Variants in RINT1 observed in about 807,000 individuals in gnomAD.
RINT1 encodes the protein RAD50 interactor 1, also known as RAD50-interacting protein 1.
Under a neutral mutation model 97.7 loss-of-function variants are expected in RINT1, and 75 were observed. That is an observed-to-expected ratio of 0.77 (90% CI 0.64 to 0.93). The LOEUF (loss-of-function observed/expected upper bound fraction) is 0.93. RINT1 is among the 40% of genes least tolerant of loss of function. RINT1 has a pLI of 0.00. For missense variants in RINT1, 892 were observed against 925.2 expected (o/e 0.96, Z 0.47); for synonymous variants, 303 against 326.3 (o/e 0.93, Z 0.77).
chr7:105,548,679 G>A lies in RINT1; in HGVS notation c.965G>A (p.Arg322Lys). ...CAGAAGAGGTTCAGGTATCACTTCAGAGGGAACCGGCAGACTAATGTGTTA... is the reference window on the plus strand; with the variant it reads ...CAGAAGAGGTTCAGGTATCACTTCAAAGGGAACCGGCAGACTAATGTGTTA... ...PLQKRFRYHF[R>K]GNRQTNVLSK... The change falls in exon 7 of 15, where the codon AGA becomes AAA. Residue 322 changes from arginine (R) to lysine (K), a missense_variant. Coordinates refer to ENST00000257700, the MANE Select transcript of RINT1 (RefSeq NM_021930.6). 6.2e-7 allele frequency: 1 copy of A among 1,613,948 alleles called. No individual in the cohort carries two copies. The highest frequency in any genetic ancestry group is 8.5e-7 in the Non-Finnish European group (1 of 1,179,946).
In RINT1 at chr7:105,565,290, C is replaced by T. The variant is rs1199981077; in HGVS notation, c.1900C>T (p.Pro634Ser). 1.3e-6 allele frequency: 2 copies of T among 1,590,104 alleles called. No homozygotes were observed. Residue 634 changes from proline to serine, a missense_variant, in exon 13 of 15, where the codon CCA (proline) becomes TCA (serine). Physicochemically the swap from Pro to Ser is moderately conservative, Grantham distance 74 (BLOSUM62 -1). Coordinates refer to ENST00000257700, the MANE Select transcript of RINT1 (RefSeq NM_021930.6). ...LYKKERWLSL[P>S]SQSEQAVMSL... is the part of the protein sequence containing the mutation. Reference sequence around the variant, plus strand: ...TGTTTTTTCCAGATGGTTGTCCTTGCCATCTCAGTCAGAGCAGGCAGTGAT... The same window carrying T: ...TGTTTTTTCCAGATGGTTGTCCTTGTCATCTCAGTCAGAGCAGGCAGTGAT...
intron 4 of RINT1, among the ~76,000 whole-genome samples, chr7:105,545,203 C>G (rs1307207544): frequency 6.6e-6 from 1 of 151,828 alleles, no homozygotes; most frequent in Non-Finnish European, 1.5e-5. Context: ...GTAGTCCTAG[C>G]ACTTTGAGAG....
At chr7:105,532,731 T>C in intron 1 of RINT1, 93 bp from the exon 2 acceptor site, 6 of 1,333,834 alleles carry the variant, frequency 4.5e-6, no homozygotes, top group Non-Finnish European at 6.5e-6. Flanking sequence ...CTGGAACCTC[T>C]CTTGCCTCCA....
At chr7:105,541,273 T>A (rs1790446398) in intron 3 of RINT1, among the ~76,000 whole-genome samples, 1 of 151,472 alleles carries the variant, frequency 6.6e-6, no homozygotes, top group South Asian at 2.1e-4. Context: ...AGAGCTGGGA[T>A]TACAAGGTGT....
chr7:105,563,642 C>T, intron 11 of RINT1, 91 bp from the exon 12 acceptor site: 1 of 1,131,824 alleles, frequency 8.8e-7, no homozygotes, highest in African/African-American at 1.5e-5. Flanking sequence ...GAATTATACA[C>T]TTTAAATGGG....
intron 11 of RINT1, among the ~76,000 whole-genome samples, chr7:105,558,140 C>T (rs1277109866): frequency 6.6e-6 from 1 of 151,584 alleles, no homozygotes; most frequent in Non-Finnish European, 1.5e-5. Flanking sequence ...CATGGTGAAA[C>T]CCTGTCTTTA....
intron 11 of RINT1, among the ~76,000 whole-genome samples, chr7:105,557,702 T>A (rs1444428678): frequency 6.6e-6 from 1 of 152,170 alleles, no homozygotes; most frequent in Non-Finnish European, 1.5e-5. Flanking sequence ...TCATAATACC[T>A]ATTTTAATGT....
chr7:105,561,482 G>T (rs901265248), intron 11 of RINT1, among the ~76,000 whole-genome samples: 3 of 152,090 alleles, frequency 2.0e-5, no homozygotes, highest in African/African-American at 7.2e-5. Context: ...AGCCGAGATT[G>T]CTCCATTTCA....
At chr7:105,537,558 G>A (rs62486990) in intron 3 of RINT1, among the ~76,000 whole-genome samples, 11,988 of 151,768 alleles carry the variant, frequency 0.079, 509 homozygotes, top group East Asian at 0.12. Flanking sequence ...GGCCTGGCAC[G>A]GTGGCTCACA....
chr7:105,534,514 G>A (rs902965510), intron 2 of RINT1, among the ~76,000 whole-genome samples: 1 of 151,280 alleles, frequency 6.6e-6, no homozygotes, highest in African/African-American at 2.4e-5. Context: ...AAAAGGCATT[G>A]TGAGTTCTGT....
intron 4 of RINT1, among the ~76,000 whole-genome samples, chr7:105,544,110 A>C (rs917853714): frequency 2.0e-5 from 3 of 151,866 alleles, no homozygotes; most frequent in East Asian, 3.9e-4. Flanking sequence ...CAAAAAAAAA[A>C]CAAAAAAAAC....
At chr7:105,541,225 C>G (rs1438044377) in intron 3 of RINT1, among the ~76,000 whole-genome samples, 1 of 151,656 alleles carries the variant, frequency 6.6e-6, no homozygotes, top group Non-Finnish European at 1.5e-5. Flanking sequence ...TCACTGCAAC[C>G]TCCTCCCGGT....
In RINT1 at chr7:105,565,576, A is replaced by G; in HGVS notation, c.2114A>G (p.Gln705Arg). The change falls in exon 14 of 15, where the codon CAG becomes CGG. Residue 705 changes from glutamine (Q) to arginine (R), a missense_variant. Physicochemically the swap from Gln to Arg is conservative, Grantham distance 43. Transcript: ENST00000257700. ...AATGAAGGAGGAGCAGCCCAGCTGC[A>G]GTTTGATATGACTCGGAATCTTTTC... ...HFNEGGAAQL[Q>R]FDMTRNLFPL... 6.2e-7 allele frequency: 1 copy of G among 1,614,082 alleles called. No homozygotes were observed. The highest frequency in any genetic ancestry group is 8.5e-7 in the Non-Finnish European group (1 of 1,179,958).
rs570193937 is a variant in RINT1, at chr7:105,537,557, C to T, written c.273+808C>T. On this transcript the variant is annotated intron_variant, in intron 3 of 14. Coordinates refer to ENST00000257700, the MANE Select transcript of RINT1 (RefSeq NM_021930.6). The stretch of plus-strand genomic sequence containing the variant: ...TTAAAAAATATTTTTAGGCCTGGCA[C>T]GGTGGCTCACACCTGTAATCCCAGC... 2.1e-3 allele frequency among the ~76,000 whole-genome samples: 312 copies of T among 150,712 alleles called. 4 individuals carry two copies. The highest frequency in any genetic ancestry group is 3.7e-3 in the Non-Finnish European group (251 of 67,874).
At chr7:105,559,685 G>A (rs963496677) in intron 11 of RINT1, among the ~76,000 whole-genome samples, 1 of 151,942 alleles carries the variant, frequency 6.6e-6, no homozygotes, top group Non-Finnish European at 1.5e-5. Context: ...GCGCCGTTGC[G>A]CTCCAGCCTG....
intron 3 of RINT1, among the ~76,000 whole-genome samples, chr7:105,540,326 G>A (rs190230254): frequency 1.6e-4 from 25 of 152,026 alleles, no homozygotes; most frequent in Non-Finnish European, 3.4e-4. Context: ...GCAGTGGAGC[G>A]ATCTCAGCTC....
chr7:105,565,255 G>C, intron 12 of RINT1, 22 bp from the exon 13 acceptor site: 3 of 1,554,926 alleles, frequency 1.9e-6, no homozygotes, highest in African/African-American at 1.4e-5. Context: ...AAAATTTTTT[G>C]GTAAAAATGT....
rs1398785096 is a variant in RINT1 at position 105,547,330 on chromosome 7, C to G, written c.836C>G (p.Thr279Ser). ...TLFCQLLKLQ[T>S]SDELLTEPKQ... is the part of the protein sequence containing the mutation. ...TTTTGTCAGCTTTTGAAACTACAAA[C>G]CTCGTATCTTTGTTGCAGCTGAAAA... The change falls in exon 6 of 15, where the codon ACC becomes AGC. Residue 279 changes from threonine to serine, a missense_variant. Transcript: ENST00000257700. 17 of 1,613,508 alleles carry G rather than the reference C, an allele frequency of 1.1e-5. No individual in the cohort carries two copies. Among genetic ancestry groups the G allele is most frequent in the Non-Finnish European group, 1.4e-5 (17 of 1,179,842 alleles).
intron 3 of RINT1, 83 bp downstream of exon 3, chr7:105,536,832 T>C (rs1790256466): frequency 2.5e-6 from 2 of 804,228 alleles, no homozygotes; most frequent in Admixed American, 3.7e-5. Flanking sequence ...ATATATAGAA[T>C]TTTAAAGATA....
Sources: gnomAD v4.1 joint callset for allele counts (sites outside exome capture counted in the v4.1 genomes callset) on GRCh38, gnomAD v4.1.1 for gene constraint, MANE v1.5 for transcripts, NCBI Gene and HGNC (gene_info 2026-07-23, HGNC 2026-07-21) for gene names.